The following DCAF8L2 variants were observed in gnomAD, a reference collection of about 807,000 sequenced individuals.
The protein encoded by DCAF8L2 is DDB1 and CUL4 associated factor 8 like 2, also known as DDB1- and CUL4-associated factor 8-like protein 2.
For missense variants in DCAF8L2, 430 were observed against 490.7 expected (o/e 0.88, Z 1.17); for synonymous variants, 200 against 190.9 (o/e 1.05, Z -0.39).
upstream of DCAF8L2, among the ~76,000 whole-genome samples, chrX:27,587,985 A>AT (rs1555915915): frequency 0.02 from 453 of 22,212 alleles, 2 homozygotes; most frequent in African/African-American, 0.025. Flanking sequence ...TAAAAAAAAA[A>AT]ATATATATAT....
At chrX:27,483,195 T>G in the DCAF8L2 span, among the ~76,000 whole-genome samples, 1 of 111,375 alleles carries the variant, frequency 9.0e-6, no homozygotes, top group Non-Finnish European at 1.9e-5. Flanking sequence ...CAATAAAAGA[T>G]AGTGTTCAAC....
At chrX:27,663,414 CTG>C (rs1412510208) in intron 2 of DCAF8L2, among the ~76,000 whole-genome samples, 4 of 111,826 alleles carry the variant, frequency 3.6e-5, no homozygotes, top group African/African-American at 9.7e-5. Flanking sequence ...ATTTGTGTCT[CTG>C]TGTCACATTT....
intron 1 of DCAF8L2, among the ~76,000 whole-genome samples, chrX:27,616,661 C>A (rs547279927): frequency 9.0e-6 from 1 of 111,344 alleles, no homozygotes; most frequent in Non-Finnish European, 1.9e-5. Context: ...TATCGTATTA[C>A]GTTGATTCTC....
chrX:27,638,183 G>A (rs1398313517), intron 2 of DCAF8L2, among the ~76,000 whole-genome samples: 1 of 111,930 alleles, frequency 8.9e-6, no homozygotes, highest in African/African-American at 3.2e-5. Context: ...TATCTTGCTG[G>A]AATATCCCTG....
chrX:27,660,222 C>T (rs1261981627), intron 2 of DCAF8L2, among the ~76,000 whole-genome samples: 1 of 111,145 alleles, frequency 9.0e-6, no homozygotes, highest in Non-Finnish European at 1.9e-5. Context: ...TGTGGTTTCA[C>T]CATGTTGGCC....
the DCAF8L2 span, among the ~76,000 whole-genome samples, chrX:27,584,451 A>G: frequency 9.1e-6 from 1 of 109,844 alleles, no homozygotes; most frequent in Non-Finnish European, 1.9e-5. Context: ...TTCAATCTCT[A>G]CATATTGCTT....
intron 1 of DCAF8L2, among the ~76,000 whole-genome samples, chrX:27,625,509 G>C (rs1287148558): frequency 1.8e-5 from 2 of 112,046 alleles, no homozygotes; most frequent in Admixed American, 9.5e-5. Flanking sequence ...TGATTATTGA[G>C]TATGTACCCA....
chrX:27,517,064 C>A, the DCAF8L2 span, among the ~76,000 whole-genome samples: 1 of 111,592 alleles, frequency 9.0e-6, no homozygotes, highest in Non-Finnish European at 1.9e-5. Flanking sequence ...GGAGATAATA[C>A]ACCAATCAAT....
At chrX:27,618,235 C>A (rs1476579100) in intron 1 of DCAF8L2, among the ~76,000 whole-genome samples, 1 of 111,563 alleles carries the variant, frequency 9.0e-6, no homozygotes, top group Non-Finnish European at 1.9e-5. Context: ...ACAGTGGAAT[C>A]ATAATCTAGA....
intron 4 of DCAF8L2, among the ~76,000 whole-genome samples, chrX:27,736,061 C>T (rs990465597): frequency 9.0e-6 from 1 of 110,990 alleles, no homozygotes; most frequent in African/African-American, 3.3e-5. Context: ...ATACGGGTGG[C>T]TCAAGTCCTA....
intron 2 of DCAF8L2, among the ~76,000 whole-genome samples, chrX:27,673,206 A>C (rs1930013095): frequency 9.0e-6 from 1 of 110,736 alleles, no homozygotes; most frequent in African/African-American, 3.3e-5. Context: ...TATCAACCCG[A>C]ATTTTAGACA....
At chrX:27,570,648 G>A in the DCAF8L2 span, among the ~76,000 whole-genome samples, 3 of 111,668 alleles carry the variant, frequency 2.7e-5, no homozygotes, top group Admixed American at 1.9e-4. Flanking sequence ...GAAGGCAAGG[G>A]AAGCCTCTGC....
At chrX:27,606,341 T>TATATA (rs766199354) in intron 1 of DCAF8L2, among the ~76,000 whole-genome samples, 681 of 42,299 alleles carry the variant, frequency 0.016, 14 homozygotes, top group Non-Finnish European at 0.023. Flanking sequence ...TATATAGGAA[T>TATATA]TATATATATA....
intron 4 of DCAF8L2, among the ~76,000 whole-genome samples, chrX:27,732,584 T>C (rs1921274372): frequency 9.0e-6 from 1 of 110,610 alleles, no homozygotes; most frequent in South Asian, 3.8e-4. Flanking sequence ...TATATGTATA[T>C]ATATAAACAC....
At chrX:27,674,542 C>T (rs750314508) in intron 2 of DCAF8L2, among the ~76,000 whole-genome samples, 1 of 111,030 alleles carries the variant, frequency 9.0e-6, no homozygotes, top group African/African-American at 3.3e-5. Flanking sequence ...TAAAGATGTG[C>T]ACACTGACTT....
At chrX:27,631,046 C>T (rs1218285633) in intron 1 of DCAF8L2, among the ~76,000 whole-genome samples, 1 of 111,757 alleles carries the variant, frequency 8.9e-6, no homozygotes, top group African/African-American at 3.3e-5. Context: ...AGGACACAAA[C>T]ATTCGTCTAT....
At chrX:27,632,869 A>G (rs1289335554) in intron 2 of DCAF8L2, 1 of 111,571 alleles carries the variant, frequency 9.0e-6, no homozygotes, top group Admixed American at 9.5e-5. Context: ...TTCAGTGTCT[A>G]CCTTATCTTA....
rs148456885 is a variant in DCAF8L2 at position 27,744,227 on chromosome X, G to A, written c.-58-2611G>A. On this transcript the variant is annotated intron_variant, in intron 4 of 4. Coordinates refer to ENST00000451261, the MANE Select transcript of DCAF8L2 (RefSeq NM_001353450.2). ...TACTCCTGTGTGTTTAGGTGTATCT[G>A]GAAGACCTGTATCTGTTAATGAACA... Among the ~76,000 whole-genome samples, 1,076 of 111,309 alleles carry A rather than the reference G, an allele frequency of 9.7e-3. 16 individuals are homozygous for A. Among genetic ancestry groups the A allele is most frequent in the African/African-American group, 0.033 (1,005 of 30,607 alleles).
At chrX:27,715,625 C>G (rs1282416628) in intron 3 of DCAF8L2, among the ~76,000 whole-genome samples, 1 of 111,347 alleles carries the variant, frequency 9.0e-6, no homozygotes, top group Non-Finnish European at 1.9e-5. Context: ...AAACGTAGAA[C>G]AGTACCTAGC....
Sources: gnomAD v4.1 joint callset for allele counts (sites outside exome capture counted in the v4.1 genomes callset) on GRCh38, gnomAD v4.1.1 for gene constraint, MANE v1.5 for transcripts, NCBI Gene and HGNC (gene_info 2026-07-23, HGNC 2026-07-21) for gene names.